VEGFC: variants seen among roughly 807,000 people sequenced by gnomAD.
The protein encoded by VEGFC is FLT4 ligand DHM.
Under a neutral mutation model 46.1 loss-of-function variants are expected in VEGFC, and 12 were observed. The observed-to-expected ratio is 0.26, with a 90% CI of 0.17 to 0.42. The LOEUF (loss-of-function observed/expected upper bound fraction) is 0.42, where lower values mean the gene tolerates loss of function less well. Among genes scored for constraint, VEGFC ranks in the 10% least tolerant of loss-of-function variants. The probability of loss-of-function intolerance (pLI) is 1.00; values close to 1 mark genes in which losing one functional copy is unlikely to be tolerated. For synonymous variants in VEGFC, 232 were observed against 195.5 expected (o/e 1.19, Z -1.56); for missense variants, 488 against 529.4 (o/e 0.92, Z 0.77).
intron 4 of VEGFC, among the ~76,000 whole-genome samples, chr4:176,705,195 C>CATGA (rs372747523): frequency 1.2e-3 from 185 of 152,202 alleles, no homozygotes; most frequent in African/African-American, 4.2e-3. Flanking sequence ...ATAAATGTCT[C>CATGA]ATGAATGAAT....
intron 1 of VEGFC, among the ~76,000 whole-genome samples, chr4:176,777,066 C>G (rs1226669562): frequency 1.3e-5 from 2 of 152,146 alleles, no homozygotes; most frequent in African/African-American, 4.8e-5. Context: ...GTAATCCCAG[C>G]ACTTTGGGAG....
rs1162328536 is a variant in VEGFC, at chr4:176,776,933, G to GT, written c.147+15231dup. On this transcript the variant is annotated intron_variant, in intron 1 of 6. Transcript: ENST00000618562. The stretch of plus-strand genomic sequence containing the variant: ...AATATTTTAAATTATAAATAGCACA[G>GT]TAAGTGTTGTATTGTTCTAATATCT... Among the ~76,000 whole-genome samples, 4 of 152,242 alleles carry GT rather than the reference G, an allele frequency of 2.6e-5. No homozygotes were observed. In the East Asian group the frequency reaches 7.7e-4, roughly 29 times the overall value.
At position 176,784,071 on chromosome 4, in the gene VEGFC, T is replaced by TTTG. The variant is rs796482193; in HGVS notation, c.147+8093_147+8094insCAA. 1.7e-3 allele frequency among the ~76,000 whole-genome samples: 257 copies of TTTG among 150,060 alleles called. 3 individuals are homozygous for TTTG. Among genetic ancestry groups the TTTG allele is most frequent in the African/African-American group, 6.1e-3 (248 of 40,838 alleles). On this transcript the variant is annotated intron_variant, in intron 1 of 6. Transcript: ENST00000618562. The stretch of plus-strand genomic sequence containing the variant: ...ATATGTATGCACATGCTGTTTTTTT[T>TTTG]TTTTTTTTTTTGAAACAGAGTCTCA...
At chr4:176,708,901 T>A (rs1426561337) in intron 4 of VEGFC, among the ~76,000 whole-genome samples, 1 of 152,174 alleles carries the variant, frequency 6.6e-6, no homozygotes, top group Non-Finnish European at 1.5e-5. Context: ...AGTACTTCAT[T>A]CAATCCTCTT....
intron 4 of VEGFC, among the ~76,000 whole-genome samples, chr4:176,701,596 C>T (rs1034553912): frequency 2.0e-5 from 3 of 152,128 alleles, no homozygotes; most frequent in Non-Finnish European, 2.9e-5. Flanking sequence ...AAAACAGTAA[C>T]GCTCACAGCC....
chr4:176,723,942 T>C (rs1162174397), intron 3 of VEGFC, among the ~76,000 whole-genome samples: 4 of 152,068 alleles, frequency 2.6e-5, no homozygotes, highest in African/African-American at 9.7e-5. Flanking sequence ...GGTAAACTTT[T>C]ATTTTAGGTT....
In VEGFC at chr4:176,755,983, T is replaced by C. The variant is rs74862132; in HGVS notation, c.148-26237A>G. ...TAGATATATTAGTTGATATAGTAAG[T>C]TAAGAGAATAATTTGGTACATGGGA... is the stretch of plus-strand genomic sequence containing the variant. On this transcript the variant is annotated intron_variant, in intron 1 of 6. Transcript: ENST00000618562. 7.2e-4 allele frequency among the ~76,000 whole-genome samples: 110 copies of C among 152,128 alleles called. No individual in the cohort carries two copies. In the East Asian group the frequency reaches 0.013, roughly 18 times the overall value.
At chr4:176,743,364 A>T (rs557821166) in intron 1 of VEGFC, among the ~76,000 whole-genome samples, 171 of 152,116 alleles carry the variant, frequency 1.1e-3, no homozygotes, top group African/African-American at 3.9e-3. Context: ...CTGTTAATTA[A>T]TAAAAACTGA....
chr4:176,767,058 T>C (rs965332931), intron 1 of VEGFC, among the ~76,000 whole-genome samples: 1 of 121,032 alleles, frequency 8.3e-6, no homozygotes, highest in Non-Finnish European at 1.6e-5. Flanking sequence ...TGGAAGAAGA[T>C]ATCTGCAATA....
chr4:176,706,988 GA>G (rs1455549021), intron 4 of VEGFC, among the ~76,000 whole-genome samples: 1 of 152,156 alleles, frequency 6.6e-6, no homozygotes, highest in African/African-American at 2.4e-5. Context: ...AAATCATAGA[GA>G]ATGTACTCTT....
rs1274888189 is a variant in VEGFC at position 176,792,809 on chromosome 4, G to GGGCGGCGGGGCGGCTGGC, written c.-516_-499dup. ...GGCGGCGGTGCCGGGGGCGGGAGGA[G>GGGCGGCGGGGCGGCTGGC]GGCGGCGGGGCGGCTGGCGGCGGCG... is the stretch of plus-strand genomic sequence containing the variant. On this transcript the variant is annotated 5_prime_UTR_variant, in exon 1 of 7. Coordinates refer to ENST00000618562, the MANE Select transcript of VEGFC (RefSeq NM_005429.5). The surrounding 1 kb of genome is among the most constrained non-coding windows in gnomAD (Gnocchi z 6.3). The GGGCGGCGGGGCGGCTGGC allele has an allele frequency of 7.6e-6, 1 of 131,306 alleles. No homozygotes were observed. Among genetic ancestry groups the GGGCGGCGGGGCGGCTGGC allele is most frequent in the Non-Finnish European group, 1.6e-5 (1 of 63,956 alleles). 8.1% of individuals were successfully genotyped at this position (131,306 alleles called of 1,614,324 possible). A position where few individuals can be genotyped will look rare whatever the true frequency, so the allele number is the denominator to read the frequency against.
At chr4:176,724,680 C>T (rs1000281727) in intron 3 of VEGFC, among the ~76,000 whole-genome samples, 2 of 152,046 alleles carry the variant, frequency 1.3e-5, no homozygotes, top group African/African-American at 4.8e-5. Flanking sequence ...TGCAAGGGCC[C>T]AGGAGCAGAG....
intron 1 of VEGFC, among the ~76,000 whole-genome samples, chr4:176,758,976 C>A (rs539370661): frequency 1.3e-5 from 2 of 152,086 alleles, no homozygotes; most frequent in African/African-American, 4.8e-5. Flanking sequence ...ATAGCAGCCA[C>A]GATTACTCAT....
Position 176,692,795 on chromosome 4 carries a change from G to A in VEGFC, c.705-4868C>T, listed in dbSNP as rs375979999. Among the ~76,000 whole-genome samples, 32 of 146,942 alleles carry A rather than the reference G, an allele frequency of 2.2e-4. 1 individual carries two copies. Among genetic ancestry groups the A allele is most frequent in the African/African-American group, 5.0e-4 (19 of 37,686 alleles). ...CTGGAGATCTGAGAACGGGCAGACTGCTTCCTCAAGTGGGTCCCTGACCCC... is the reference window on the plus strand; with the variant it reads ...CTGGAGATCTGAGAACGGGCAGACTACTTCCTCAAGTGGGTCCCTGACCCC... On this transcript the variant is annotated intron_variant, in intron 4 of 6. Transcript: ENST00000618562.
At chr4:176,788,322 T>C (rs1736036435) in intron 1 of VEGFC, among the ~76,000 whole-genome samples, 1 of 152,254 alleles carries the variant, frequency 6.6e-6, no homozygotes, top group African/African-American at 2.4e-5. Context: ...TGTCCCGTTG[T>C]GGGGAATTAG....
intron 1 of VEGFC, among the ~76,000 whole-genome samples, chr4:176,784,620 G>A (rs1194087916): frequency 6.6e-6 from 1 of 151,310 alleles, no homozygotes; most frequent in African/African-American, 2.4e-5. Context: ...GGGTGTGGTG[G>A]TGGGCACCTG....
chr4:176,752,241 G>A (rs1735354694), intron 1 of VEGFC, among the ~76,000 whole-genome samples: 1 of 151,982 alleles, frequency 6.6e-6, no homozygotes, highest in Non-Finnish European at 1.5e-5. Flanking sequence ...AGTGGAAAAT[G>A]GCAGACAGGC....
rs544011039 is a variant in VEGFC at position 176,691,479 on chromosome 4, C to G, written c.705-3552G>C. Among the ~76,000 whole-genome samples the G allele has an allele frequency of 3.9e-5, 6 of 152,238 alleles. 1 individual carries two copies. In the South Asian group the frequency reaches 1.2e-3, roughly 32 times the overall value. ...CCCCACCGACCCCACCACACACACACACAGGCACAACCACAATCCTGCCTA... is the reference window on the plus strand; with the variant it reads ...CCCCACCGACCCCACCACACACACAGACAGGCACAACCACAATCCTGCCTA... On this transcript the variant is annotated intron_variant, in intron 4 of 6. Coordinates refer to ENST00000618562, the MANE Select transcript of VEGFC (RefSeq NM_005429.5).
intron 3 of VEGFC, among the ~76,000 whole-genome samples, chr4:176,724,700 T>C (rs893642638): frequency 1.3e-5 from 2 of 152,092 alleles, no homozygotes; most frequent in African/African-American, 4.8e-5. Context: ...GGAAACACGA[T>C]GATGCCCAGG....
Sources: allele counts gnomAD v4.1 joint callset (sites outside exome capture counted in the v4.1 genomes callset), GRCh38; gene constraint gnomAD v4.1.1; non-coding constraint Gnocchi (gnomAD v3.1); transcripts MANE v1.5; gene names NCBI Gene and HGNC (gene_info 2026-07-23, HGNC 2026-07-21).